LIN9: variants seen among roughly 807,000 people sequenced by gnomAD.
LIN9 encodes the protein protein lin-9 homolog.
In LIN9, 18 loss-of-function variants were observed where a neutral mutation model predicts 78.0. The observed-to-expected ratio is 0.23, with a 90% CI of 0.16 to 0.34. LIN9 has a LOEUF of 0.34. LIN9 is among the 10% of genes least tolerant of loss of function. The probability of loss-of-function intolerance (pLI) is 1.00; values close to 1 mark genes in which losing one functional copy is unlikely to be tolerated. For missense variants in LIN9, 451 were observed against 644.1 expected (o/e 0.70, Z 3.25); for synonymous variants, 192 against 215.2 (o/e 0.89, Z 0.94).
intron 6 of LIN9, among the ~76,000 whole-genome samples, chr1:226,278,290 G>A (rs755536245): frequency 2.6e-5 from 4 of 152,048 alleles, no homozygotes; most frequent in Admixed American, 6.6e-5. Context: ...TTAGCCAGGC[G>A]TGGTGGCAGG....
rs1659832314 is a variant in LIN9 at position 226,265,170 on chromosome 1, TC to T, written c.1038+362del. Among the ~76,000 whole-genome samples, 2 of 152,214 alleles carry T rather than the reference TC, an allele frequency of 1.3e-5. No individual in the cohort carries two copies. The highest frequency in any genetic ancestry group is 2.4e-5 in the African/African-American group (1 of 41,462). Reference sequence around the variant, plus strand: ...CTAACCATATAAGCTAGCCAGGACATCATAACTGTTGAACTGACTGATGATG... The same window carrying T: ...CTAACCATATAAGCTAGCCAGGACATATAACTGTTGAACTGACTGATGATG... On this transcript the variant is annotated intron_variant, in intron 10 of 14. Transcript: ENST00000681046. This position sits in a 1 kb window ranked among gnomAD's most constrained non-coding sequence, Gnocchi z 4.1.
rs75017829 is a variant in LIN9, at chr1:226,308,968, G to A, written c.31+141C>T. ...GCGGCGACGCGGCGGCAACACCGGA[G>A]TGGGAGGACTAGGGGACCACAGTGG... On this transcript the variant is annotated intron_variant, in intron 1 of 14. Transcript: ENST00000681046. The A allele has an allele frequency of 4.9e-3, 3,733 of 768,488 alleles. 175 individuals carry two copies. The East Asian group carries it at 0.1, about 21-fold the overall frequency. 47.6% of individuals were successfully genotyped at this position (768,488 alleles called of 1,614,324 possible).
chr1:226,309,277 C>T (rs541216363), upstream of LIN9: 7 of 1,128,578 alleles, frequency 6.2e-6, no homozygotes, highest in Admixed American at 1.5e-4. Flanking sequence ...CCGCGGCTGG[C>T]TGAGGCGGGC....
intron 4 of LIN9, among the ~76,000 whole-genome samples, chr1:226,288,746 A>ATGT (rs34103055): frequency 0.86 from 130,425 of 151,874 alleles, 56,140 homozygotes; most frequent in East Asian, 0.96. Flanking sequence ...ATGGAAAAAA[A>ATGT]TTAAGTCTAC....
intron 6 of LIN9, among the ~76,000 whole-genome samples, chr1:226,279,132 G>A (rs1012746864): frequency 6.6e-6 from 1 of 151,918 alleles, no homozygotes; most frequent in African/African-American, 2.4e-5. Context: ...CTGCGCTCCA[G>A]CCTGGGCAAC....
chr1:226,246,037 T>C (rs1201741326), intron 11 of LIN9, among the ~76,000 whole-genome samples: 1 of 152,224 alleles, frequency 6.6e-6, no homozygotes, highest in African/African-American at 2.4e-5. Flanking sequence ...CAGACAATTG[T>C]ATAATTCTCT....
rs1661378712 is a variant in LIN9 at position 226,286,320 on chromosome 1, A to T, written c.524+13T>A. 6.2e-7 allele frequency: 1 copy of T among 1,601,444 alleles called. No individual in the cohort carries two copies. The highest frequency in any genetic ancestry group is 1.1e-5 in the South Asian group (1 of 88,760). ...GATTTTATTTTAAACAAAAACAAAA[A>T]CATTATTTTTACCTCCGTGGTTTTC... On this transcript the variant is annotated intron_variant, in intron 6 of 14. Coordinates refer to ENST00000681046, the MANE Select transcript of LIN9 (RefSeq NM_001366245.2).
intron 11 of LIN9, among the ~76,000 whole-genome samples, chr1:226,249,439 T>C (rs1403988186): frequency 6.6e-6 from 1 of 152,236 alleles, no homozygotes; most frequent in Non-Finnish European, 1.5e-5. Flanking sequence ...CCTGTACTGC[T>C]AAAGAGAGCA....
At chr1:226,273,432 A>C (rs1660435859) in intron 7 of LIN9, among the ~76,000 whole-genome samples, 1 of 151,472 alleles carries the variant, frequency 6.6e-6, no homozygotes, top group Non-Finnish European at 1.5e-5. Flanking sequence ...TTTTTGTAGA[A>C]ACAGTGTTTC....
intron 7 of LIN9, among the ~76,000 whole-genome samples, chr1:226,275,256 TTTTTCAACCACTTACAAA>T (rs2102937359): frequency 6.6e-6 from 1 of 152,356 alleles, no homozygotes; most frequent in East Asian, 1.9e-4. Flanking sequence ...TCTTTTGATT[TTTTTCAACCACTTACAAA>T]TATAAAAAGT....
chr1:226,260,866 C>T (rs542612406), intron 10 of LIN9, among the ~76,000 whole-genome samples: 72 of 151,800 alleles, frequency 4.7e-4, no homozygotes, highest in African/African-American at 1.6e-3. Context: ...AGGATGGTCT[C>T]GATCTCCTGA....
intron 1 of LIN9, 98 bp downstream of exon 1, chr1:226,309,011 C>T (rs1361709627): frequency 1.6e-5 from 20 of 1,224,076 alleles, no homozygotes; most frequent in Non-Finnish European, 1.2e-5. Flanking sequence ...AGTCAGCCCA[C>T]CTGCCCAGCG....
At chr1:226,278,652 C>T (rs531907009) in intron 6 of LIN9, among the ~76,000 whole-genome samples, 41 of 149,388 alleles carry the variant, frequency 2.7e-4, no homozygotes, top group African/African-American at 9.4e-4. Context: ...GGCAAAATCC[C>T]GTCTGTACTA....
chr1:226,284,448 G>A (rs181305389), intron 6 of LIN9, among the ~76,000 whole-genome samples: 2 of 152,246 alleles, frequency 1.3e-5, no homozygotes, highest in Admixed American at 6.5e-5. Context: ...AAGAGGCCAG[G>A]TGTAGTGGCT....
intron 4 of LIN9, 81 bp downstream of exon 4, chr1:226,295,761 T>C (rs1378243738): frequency 1.7e-5 from 14 of 818,982 alleles, no homozygotes; most frequent in Non-Finnish European, 2.3e-5. Flanking sequence ...TTACTCAAAA[T>C]GTAACAGAAA....
chr1:226,274,545 A>G (rs1660511159), intron 7 of LIN9, among the ~76,000 whole-genome samples: 1 of 152,040 alleles, frequency 6.6e-6, no homozygotes, highest in African/African-American at 2.4e-5. Context: ...TTCATCTAAT[A>G]TTTTTTATGT....
At position 226,308,272 on chromosome 1, in the gene LIN9, A is replaced by T. The variant is rs185301171; in HGVS notation, c.31+837T>A. Among the ~76,000 whole-genome samples the T allele has an allele frequency of 4.3e-3, 651 of 152,314 alleles. 1 individual carries two copies. The highest frequency in any genetic ancestry group is 9.5e-3 in the South Asian group (46 of 4,824). ...TGGAATTGGTGCTTTTACTTACTCA[A>T]CACAAGTGAGCATACATGTCTTAGA... On this transcript the variant is annotated intron_variant, in intron 1 of 14. Coordinates refer to ENST00000681046, the MANE Select transcript of LIN9 (RefSeq NM_001366245.2).
In LIN9 at chr1:226,265,734, C is replaced by G; in HGVS notation, c.937-100G>C. ...TTTTAGACGGAGTCTCGCTCTGTTG[C>G]CACTTGTGATCTCGGCTCACTGCAA... On this transcript the variant is annotated intron_variant, in intron 9 of 14. Transcript: ENST00000681046. The surrounding 1 kb of genome is among the most constrained non-coding windows in gnomAD (Gnocchi z 4.1). 1 of 615,312 alleles carries G rather than the reference C, an allele frequency of 1.6e-6. No homozygotes were observed. The highest frequency in any genetic ancestry group is 2.8e-6 in the Non-Finnish European group (1 of 361,544). 38.1% of individuals were successfully genotyped at this position (615,312 alleles called of 1,614,324 possible).
chr1:226,309,173 C>G (rs1379632953), upstream of LIN9: 2 of 1,408,046 alleles, frequency 1.4e-6, no homozygotes, highest in South Asian at 1.8e-5. Flanking sequence ...TCAAAGGCTG[C>G]CCGCCGCGGT....
Sources: gnomAD v4.1 joint callset for allele counts (sites outside exome capture counted in the v4.1 genomes callset) on GRCh38, gnomAD v4.1.1 for gene constraint, Gnocchi (gnomAD v3.1) non-coding constraint, MANE v1.5 for transcripts, NCBI Gene and HGNC (gene_info 2026-07-23, HGNC 2026-07-21) for gene names.